Variants in FMNL3 observed in about 807,000 individuals in gnomAD.
FMNL3 encodes the protein formin-like protein 3.
FMNL3 carries 57 observed loss-of-function variants against 119.6 expected under a neutral mutation model. The ratio of observed to expected loss-of-function variants is 0.48; its 90% CI spans 0.39 to 0.59. The LOEUF is 0.59. FMNL3 is among the 20% of genes least tolerant of loss of function. The pLI, the probability that FMNL3 is intolerant of heterozygous loss-of-function variation, is 0.00. For synonymous variants in FMNL3, 491 were observed against 507.3 expected (o/e 0.97, Z 0.43); for missense variants, 1,053 against 1,323.5 (o/e 0.80, Z 3.17).
intron 1 of FMNL3, among the ~76,000 whole-genome samples, chr12:49,678,114 G>T (rs1203257764): frequency 6.6e-6 from 1 of 151,306 alleles, no homozygotes; most frequent in African/African-American, 2.4e-5. Flanking sequence ...TGCCTGACTC[G>T]GCCTCCCAAA....
chr12:49,643,003 C>A lies in FMNL3; in HGVS notation c.*2812G>T, dbSNP rs1283528116. 6.2e-7 allele frequency: 1 copy of A among 1,613,722 alleles called. No individual in the cohort carries two copies. The highest frequency in any genetic ancestry group is 1.7e-5 in the Admixed American group (1 of 59,970). ...GGCAAGAAGCACCATCACAAGCGTT[C>A]CCACTCACCCTCAGTGAGTAAGCGT... is the stretch of plus-strand genomic sequence containing the variant. On this transcript the variant is annotated 3_prime_UTR_variant, in exon 26 of 26. Coordinates refer to ENST00000335154, the MANE Select transcript of FMNL3 (RefSeq NM_175736.5).
intron 1 of FMNL3, among the ~76,000 whole-genome samples, chr12:49,695,588 T>C (rs567309726): frequency 9.8e-5 from 15 of 152,320 alleles, no homozygotes; most frequent in African/African-American, 3.4e-4. Context: ...GTACGCGGCA[T>C]ACATCCAACA....
chr12:49,691,771 C>T (rs757037729), intron 1 of FMNL3, among the ~76,000 whole-genome samples: 18 of 151,644 alleles, frequency 1.2e-4, no homozygotes, highest in African/African-American at 2.9e-4. Context: ...CGGTGGCTCA[C>T]GCCTATAATC....
intron 1 of FMNL3, among the ~76,000 whole-genome samples, chr12:49,683,644 C>CCACT (rs1202440861): frequency 9.2e-5 from 14 of 152,174 alleles, no homozygotes; most frequent in African/African-American, 3.4e-4. Flanking sequence ...CCAAGGCCTT[C>CCACT]CACTCAGCTG....
chr12:49,673,822 C>A (rs1186465252), intron 1 of FMNL3, among the ~76,000 whole-genome samples: 1 of 152,266 alleles, frequency 6.6e-6, no homozygotes, highest in African/African-American at 2.4e-5. Context: ...GCCGCCTCCA[C>A]GTCACTGTTT....
At chr12:49,648,880 A>G in intron 21 of FMNL3, 149 bp downstream of exon 21, 3 of 1,261,186 alleles carry the variant, frequency 2.4e-6, no homozygotes, top group Non-Finnish European at 3.1e-6. Flanking sequence ...GCCCCTGCTT[A>G]AGGCTCCAGC....
At chr12:49,648,796 C>T (rs933772422) in intron 21 of FMNL3, among the ~76,000 whole-genome samples, 1 of 152,250 alleles carries the variant, frequency 6.6e-6, no homozygotes, top group Admixed American at 6.5e-5. Context: ...CTTGTTCCTG[C>T]TCCCACTGTA....
At chr12:49,648,378 GA>G in intron 21 of FMNL3, 25 bp from the exon 22 acceptor site, 1 of 1,600,658 alleles carries the variant, frequency 6.2e-7, no homozygotes, top group Non-Finnish European at 8.5e-7. Flanking sequence ...CCTGGCTGAG[GA>G]ATGCCTAGGG....
Position 49,643,606 on chromosome 12 carries a change from T to C in FMNL3, c.*2209A>G. On this transcript the variant is annotated 3_prime_UTR_variant, in exon 26 of 26. Coordinates refer to ENST00000335154, the MANE Select transcript of FMNL3 (RefSeq NM_175736.5). ...CCTCAGAGCATGAGGTTCCTGCCTG[T>C]GAAGAATGAACAGAGGGGCTAGAAC... The C allele has an allele frequency of 1.4e-6, 2 of 1,468,556 alleles. No homozygotes were observed. Among genetic ancestry groups the C allele is most frequent in the Non-Finnish European group, 1.8e-6 (2 of 1,082,254 alleles). 91.0% of individuals were successfully genotyped at this position (1,468,556 alleles called of 1,614,324 possible). A position where few individuals can be genotyped will look rare whatever the true frequency, so the allele number is the denominator to read the frequency against.
chr12:49,648,622 A>G (rs1272724967), intron 21 of FMNL3, among the ~76,000 whole-genome samples: 1 of 152,262 alleles, frequency 6.6e-6, no homozygotes, highest in African/African-American at 2.4e-5. Context: ...AAACTGCCTC[A>G]GGCCTGCCCT....
At chr12:49,668,923 CA>C (rs1436561825) in intron 1 of FMNL3, among the ~76,000 whole-genome samples, 10 of 152,264 alleles carry the variant, frequency 6.6e-5, no homozygotes, top group Non-Finnish European at 1.5e-4. Context: ...ATACATACAT[CA>C]TACCATAAAA....
chr12:49,643,365 G>A lies in FMNL3; in HGVS notation c.*2450C>T, dbSNP rs369599079. 20 of 1,581,040 alleles carry A rather than the reference G, an allele frequency of 1.3e-5. No individual in the cohort carries two copies. Among genetic ancestry groups the A allele is most frequent in the African/African-American group, 4.1e-5 (3 of 73,552 alleles). On this transcript the variant is annotated 3_prime_UTR_variant, in exon 26 of 26. Transcript: ENST00000335154. ...AGTGGGGGTGCTGCCCTTGGAGGAC[G>A]GGGCTCCCCTTCCTCCCATCTTCTT...
At chr12:49,672,935 T>C (rs1174061688) in intron 1 of FMNL3, among the ~76,000 whole-genome samples, 1 of 152,188 alleles carries the variant, frequency 6.6e-6, no homozygotes, top group African/African-American at 2.4e-5. Context: ...CAAAATGGCA[T>C]AGCTTCGAGA....
intron 7 of FMNL3, 52 bp from the exon 8 acceptor site, chr12:49,656,951 C>G: frequency 6.5e-7 from 1 of 1,548,776 alleles, no homozygotes; most frequent in Non-Finnish European, 8.9e-7. Flanking sequence ...GAAGGGGGAG[C>G]CCAGCCAATC....
chr12:49,637,393 A>G lies in FMNL3; in HGVS notation c.*8422T>C. 3 of 978,450 alleles carry G rather than the reference A, an allele frequency of 3.1e-6. No homozygotes were observed. The highest frequency in any genetic ancestry group is 4.8e-6 in the Non-Finnish European group (3 of 626,822). 60.6% of individuals were successfully genotyped at this position (978,450 alleles called of 1,614,324 possible). A position where few individuals can be genotyped will look rare whatever the true frequency, so the allele number is the denominator to read the frequency against. ...GATTGTCCCTGCCTCTTCCTCTGCC[A>G]TTCCCTCTCTTCCCCCTCAGTCTGT... On this transcript the variant is annotated 3_prime_UTR_variant, in exon 26 of 26. Coordinates refer to ENST00000335154, the MANE Select transcript of FMNL3 (RefSeq NM_175736.5).
intron 1 of FMNL3, among the ~76,000 whole-genome samples, chr12:49,695,435 A>C (rs1565897678): frequency 6.6e-6 from 1 of 152,202 alleles, no homozygotes; most frequent in Non-Finnish European, 1.5e-5. Context: ...CTTAAGGCCT[A>C]AGTTAGTGAC....
chr12:49,695,241 C>T (rs551685920), intron 1 of FMNL3, among the ~76,000 whole-genome samples: 1 of 152,180 alleles, frequency 6.6e-6, no homozygotes, highest in Admixed American at 6.5e-5. Context: ...CATCATGGTT[C>T]CTCCCCTAAC....
At position 49,649,578 on chromosome 12, in the gene FMNL3, G is replaced by A. The variant is rs1416473736; in HGVS notation, c.2236-40C>T. On this transcript the variant is annotated intron_variant, in intron 18 of 25. Transcript: ENST00000335154. This position sits in a 1 kb window ranked among gnomAD's most constrained non-coding sequence, Gnocchi z 5.6. Reference sequence around the variant, plus strand: ...GAACACTGAAGTAACCCCAGGCTGAGATGGGGTAAAGACAGGGAGGGGTCA... The same window carrying A: ...GAACACTGAAGTAACCCCAGGCTGAAATGGGGTAAAGACAGGGAGGGGTCA... The A allele has an allele frequency of 1.9e-6, 3 of 1,612,418 alleles. No individual in the cohort carries two copies. In the African/African-American group the frequency reaches 4.0e-5, roughly 22 times the overall value.
chr12:49,650,590 T>C, intron 17 of FMNL3, 86 bp downstream of exon 17: 3 of 1,476,152 alleles, frequency 2.0e-6, no homozygotes, highest in Non-Finnish European at 1.9e-6. Flanking sequence ...TCAGATGACC[T>C]GGAATCTAGG....
Sources: allele counts gnomAD v4.1 joint callset (sites outside exome capture counted in the v4.1 genomes callset), GRCh38; gene constraint gnomAD v4.1.1; non-coding constraint Gnocchi (gnomAD v3.1); transcripts MANE v1.5; gene names NCBI Gene and HGNC (gene_info 2026-07-23, HGNC 2026-07-21).